The following ADCY9 variants were observed in gnomAD, a reference collection of about 807,000 sequenced individuals.
ADCY9 encodes adenylate cyclase 9.
In ADCY9, 50 loss-of-function variants were observed where a neutral mutation model predicts 101.5. The ratio of observed to expected loss-of-function variants is 0.49; its 90% CI spans 0.39 to 0.62. The LOEUF (loss-of-function observed/expected upper bound fraction) is 0.62, where lower values mean the gene tolerates loss of function less well. Ranked by LOEUF, ADCY9 falls within the 20% of genes least tolerant of loss-of-function variation. The pLI is 0.00. For missense variants in ADCY9, 1,662 were observed against 1,800.4 expected, an observed-to-expected ratio of 0.92 and a Z score of 1.39; for synonymous variants, 905 against 769.3, an observed-to-expected ratio of 1.18 and a Z score of -2.92.
intron 10 of ADCY9, among the ~76,000 whole-genome samples, chr16:3,973,067 CATAT>C (rs543507787): frequency 1.9e-3 from 283 of 152,234 alleles, no homozygotes; most frequent in African/African-American, 6.6e-3. Flanking sequence ...ACCTATAGTA[CATAT>C]ATAGTTTCAC....
intron 2 of ADCY9, among the ~76,000 whole-genome samples, chr16:4,074,486 G>C (rs935777524): frequency 2.6e-5 from 4 of 151,546 alleles, no homozygotes; most frequent in Middle Eastern, 3.4e-3. Flanking sequence ...CTTGAGGCCA[G>C]GAGTTCAAGA....
chr16:3,993,815 G>A (rs749809250), intron 3 of ADCY9, among the ~76,000 whole-genome samples: 1 of 152,168 alleles, frequency 6.6e-6, no homozygotes, highest in Non-Finnish European at 1.5e-5. Flanking sequence ...CGAAAAAGAC[G>A]GAAGCACTGA....
Position 4,020,185 on chromosome 16 carries a change from C to T in ADCY9, c.1694-12627G>A, listed in dbSNP as rs143551887. On this transcript the variant is annotated intron_variant, in intron 2 of 10. Transcript: ENST00000294016. ...GCCTCCAGGCACATGTGGCTACTGA[C>T]CACTCGAAATGTAGCTAGTATGAAC... is the stretch of plus-strand genomic sequence containing the variant. Among the ~76,000 whole-genome samples the T allele has an allele frequency of 3.2e-3, 490 of 152,282 alleles. 1 individual carries two copies. Among genetic ancestry groups the T allele is most frequent in the African/African-American group, 0.011 (446 of 41,552 alleles).
chr16:4,040,578 T>C (rs1296573096), intron 2 of ADCY9, among the ~76,000 whole-genome samples: 1 of 151,970 alleles, frequency 6.6e-6, no homozygotes. Context: ...CACTTCGGCC[T>C]CCCGAGTAGC....
At chr16:4,003,646 C>T (rs186659248) in intron 3 of ADCY9, among the ~76,000 whole-genome samples, 33 of 151,016 alleles carry the variant, frequency 2.2e-4, no homozygotes, top group Admixed American at 6.6e-4. Flanking sequence ...CTCACTGCAG[C>T]CTCTAACTCC....
chr16:4,029,234 A>T (rs1264531115), intron 2 of ADCY9, among the ~76,000 whole-genome samples: 1 of 152,224 alleles, frequency 6.6e-6, no homozygotes, highest in Admixed American at 6.6e-5. Context: ...ATGACCTCAG[A>T]AGTAGAGAAA....
rs1480040708 is a variant in ADCY9, at chr16:4,070,139, TG to T, written c.1693+43610del. The stretch of plus-strand genomic sequence containing the variant: ...GTGTGTATGTGTGTGTGTGTGTGTG[TG>T]TGTGTACTTTTAAGGCATTCTCTTT... On this transcript the variant is annotated intron_variant, in intron 2 of 10. Transcript: ENST00000294016. 2.0e-4 allele frequency among the ~76,000 whole-genome samples: 30 copies of T among 152,240 alleles called. 1 individual carries two copies. The highest frequency in any genetic ancestry group is 6.5e-4 in the Admixed American group (10 of 15,294).
At chr16:4,054,471 C>T (rs11866059) in intron 2 of ADCY9, among the ~76,000 whole-genome samples, 1,840 of 152,290 alleles carry the variant, frequency 0.012, 28 homozygotes, top group African/African-American at 0.038. Flanking sequence ...GAAACTCTTC[C>T]TATTACTCTC....
At chr16:4,090,755 G>T (rs1477384918) in intron 2 of ADCY9, among the ~76,000 whole-genome samples, 3 of 148,708 alleles carry the variant, frequency 2.0e-5, no homozygotes, top group Non-Finnish European at 3.0e-5. Flanking sequence ...TTTCAAGCTT[G>T]CCCTAGATAC....
In ADCY9 at chr16:3,988,405, TCTTCCAGGGCAGGTCGGTGGGGAGTTCC is replaced by T. The variant is rs2056213038; in HGVS notation, c.2310+561_2310+588del. Among the ~76,000 whole-genome samples, 6 of 143,172 alleles carry T rather than the reference TCTTCCAGGGCAGGTCGGTGGGGAGTTCC, an allele frequency of 4.2e-5. No individual in the cohort carries two copies. In the South Asian group the frequency reaches 6.8e-4, roughly 16 times the overall value. The allele number at this position is 143,172 out of a possible 152,430, so 93.9% of individuals were successfully genotyped here. ...ACTCCAGGACAGGTGGGACGGGGGC[TCTTCCAGGGCAGGTCGGTGGGGAGTTCC>T]CTTCCAGGGCAGGTGGGGGGTTCCC... On this transcript the variant is annotated intron_variant, in intron 6 of 10. Transcript: ENST00000294016.
At chr16:4,018,690 G>A (rs34527175) in intron 2 of ADCY9, among the ~76,000 whole-genome samples, 8,865 of 152,224 alleles carry the variant, frequency 0.058, 343 homozygotes, top group Non-Finnish European at 0.092. Flanking sequence ...TTTTCAACTT[G>A]TTTTCTAGTT....
chr16:3,972,512 C>T (rs1485776351), intron 10 of ADCY9, among the ~76,000 whole-genome samples: 4 of 152,072 alleles, frequency 2.6e-5, no homozygotes, highest in Non-Finnish European at 4.4e-5. Flanking sequence ...GGATTACAGG[C>T]GTGAGCCACC....
At chr16:3,977,114 G>A (rs1364046543) in intron 9 of ADCY9, among the ~76,000 whole-genome samples, 1 of 152,194 alleles carries the variant, frequency 6.6e-6, no homozygotes, top group Non-Finnish European at 1.5e-5. Context: ...TCCATCTGCA[G>A]CTCCGCTCTT....
At chr16:4,098,440 G>C (rs977728933) in intron 2 of ADCY9, among the ~76,000 whole-genome samples, 3 of 151,946 alleles carry the variant, frequency 2.0e-5, no homozygotes, top group Non-Finnish European at 2.9e-5. Flanking sequence ...CACCATGTTG[G>C]CCAGGTTGGT....
rs1457412681 is a variant in ADCY9 at position 3,992,168 on chromosome 16, C to T, written c.2185G>A (p.Val729Met). 1.2e-6 allele frequency: 2 copies of T among 1,614,238 alleles called. No individual in the cohort carries two copies. Among genetic ancestry groups the T allele is most frequent in the Admixed American group, 1.7e-5 (1 of 60,034 alleles). ...NIREKTDAHF[V>M]DVIKEDSLMK... Reference sequence around the variant, plus strand: ...TACCTGTCTTCTTTGATAACGTCCACAAAGTGGGCGTCCGTTTTCTCCCGG... The same window carrying T: ...TACCTGTCTTCTTTGATAACGTCCATAAAGTGGGCGTCCGTTTTCTCCCGG... The change falls in exon 5 of 11, where the codon GTG becomes ATG. Residue 729 changes from valine to methionine, a missense_variant. Physicochemically the swap from Val to Met is conservative, Grantham distance 21. This residue lies in a region of ADCY9 where 624 missense variants were observed against 639.1 expected (regional missense o/e 0.98). Coordinates refer to ENST00000294016, the MANE Select transcript of ADCY9 (RefSeq NM_001116.4). The surrounding 1 kb of genome is among the most constrained non-coding windows in gnomAD (Gnocchi z 4.2).
chr16:4,019,373 G>A (rs1162832318), intron 2 of ADCY9, among the ~76,000 whole-genome samples: 1 of 152,176 alleles, frequency 6.6e-6, no homozygotes, highest in Non-Finnish European at 1.5e-5. Context: ...CCCAGGCTGG[G>A]CGATTTGTTC....
chr16:4,109,901 T>C (rs970322071), intron 2 of ADCY9, among the ~76,000 whole-genome samples: 1 of 152,174 alleles, frequency 6.6e-6, no homozygotes, highest in African/African-American at 2.4e-5. Flanking sequence ...TGGGGTCAAA[T>C]GCAAACTCCT....
chr16:4,010,357 G>A (rs540666522), intron 2 of ADCY9, among the ~76,000 whole-genome samples: 56 of 152,340 alleles, frequency 3.7e-4, no homozygotes, highest in African/African-American at 1.2e-3. Flanking sequence ...GGAGCACGAC[G>A]GGACAGCCAG....
chr16:3,993,983 G>A (rs1052899697), intron 3 of ADCY9, among the ~76,000 whole-genome samples: 1 of 152,134 alleles, frequency 6.6e-6, no homozygotes, highest in Admixed American at 6.6e-5. Context: ...GGGACCGGGG[G>A]CAGGAAGGGG....
Sources: allele counts gnomAD v4.1 joint callset (sites outside exome capture counted in the v4.1 genomes callset), GRCh38; gene constraint gnomAD v4.1.1; regional missense constraint gnomAD v4.1.1; non-coding constraint Gnocchi (gnomAD v3.1); transcripts MANE v1.5; gene names NCBI Gene and HGNC (gene_info 2026-07-23, HGNC 2026-07-21).